Variants in PHLPP1 observed in about 807,000 individuals in gnomAD.
PHLPP1 encodes the protein PH domain and leucine rich repeat protein phosphatase 1.
In PHLPP1, 42 loss-of-function variants were observed where a neutral mutation model predicts 117.2. The observed-to-expected ratio is 0.36, with a 90% confidence interval of 0.28 to 0.46. The LOEUF is 0.46. Ranked by LOEUF, PHLPP1 falls within the 20% of genes least tolerant of loss-of-function variation. PHLPP1 has a pLI of 1.00. For synonymous variants in PHLPP1, 1,042 were observed against 970.7 expected (o/e 1.07, Z -1.37); for missense variants, 2,084 against 2,241.9 (o/e 0.93, Z 1.42).
At chr18:62,861,241 C>G (rs963116973) in intron 4 of PHLPP1, among the ~76,000 whole-genome samples, 1 of 152,136 alleles carries the variant, frequency 6.6e-6, no homozygotes, top group Non-Finnish European at 1.5e-5. Flanking sequence ...TCCCGAGTAG[C>G]TGGGATTACA....
rs570327548 is a variant in PHLPP1, at chr18:62,747,297, T to C, written c.1576+30038T>C. Among the ~76,000 whole-genome samples the C allele has an allele frequency of 3.1e-3, 468 of 149,014 alleles. 3 individuals are homozygous for C. Among genetic ancestry groups the C allele is most frequent in the Non-Finnish European group, 4.9e-3 (324 of 66,766 alleles). On this transcript the variant is annotated intron_variant, in intron 1 of 16. Coordinates refer to ENST00000262719, the MANE Select transcript of PHLPP1 (RefSeq NM_194449.4). ...TTTCCTTTTTTTTTTTTTTTTTTTTTCTGTGGAAACAGAGTCTCGCTCTTT... is the reference window on the plus strand; with the variant it reads ...TTTCCTTTTTTTTTTTTTTTTTTTTCCTGTGGAAACAGAGTCTCGCTCTTT...
chr18:62,778,137 C>T (rs974123080), intron 1 of PHLPP1, among the ~76,000 whole-genome samples: 1 of 152,140 alleles, frequency 6.6e-6, no homozygotes, highest in Non-Finnish European at 1.5e-5. Context: ...ATATTTACTG[C>T]ATTCTATTGT....
chr18:62,827,929 C>T (rs370069879), intron 1 of PHLPP1, among the ~76,000 whole-genome samples: 2 of 151,914 alleles, frequency 1.3e-5, no homozygotes, highest in East Asian at 3.9e-4. Flanking sequence ...CTTCATAGAG[C>T]TGCATAAATG....
At chr18:62,866,918 C>A (rs1325114860) in intron 4 of PHLPP1, among the ~76,000 whole-genome samples, 1 of 152,190 alleles carries the variant, frequency 6.6e-6, no homozygotes, top group Non-Finnish European at 1.5e-5. Context: ...TACTTCTCAA[C>A]CCTCACCTGG....
chr18:62,916,011 A>G (rs918381116), intron 9 of PHLPP1, among the ~76,000 whole-genome samples: 2 of 152,156 alleles, frequency 1.3e-5, no homozygotes, highest in African/African-American at 4.8e-5. Flanking sequence ...GTATGTCACC[A>G]TTTTGGAGTA....
intron 4 of PHLPP1, among the ~76,000 whole-genome samples, chr18:62,881,052 T>G (rs751307947): frequency 1.6e-4 from 24 of 152,308 alleles, no homozygotes; most frequent in Non-Finnish European, 2.4e-4. Context: ...ATTATTATTT[T>G]TTTGTTTGTT....
chr18:62,812,279 T>C (rs1483476951), intron 1 of PHLPP1, among the ~76,000 whole-genome samples: 2 of 152,156 alleles, frequency 1.3e-5, no homozygotes, highest in Non-Finnish European at 1.5e-5. Context: ...TATTATGTAC[T>C]TAGGAGTGTG....
Position 62,830,228 on chromosome 18 carries a change from A to G in PHLPP1, c.1770A>G (p.Gly590=), listed in dbSNP as rs1051478761. Residue 590 remains glycine, a synonymous_variant, in exon 2 of 17, where the codon GGA becomes GGG. Transcript: ENST00000262719. ...TGCATGTTCTGCCACTAATTGGTGG[A>G]AAAGTAAGTTTGTTTGTTTGTTTGT... The part of the protein sequence containing the change: ...GKMHVLPLIG[G]KVEEVKKHQH... 6.4e-7 allele frequency: 1 copy of G among 1,552,486 alleles called. No individual in the cohort carries two copies. Among genetic ancestry groups the G allele is most frequent in the Non-Finnish European group, 8.7e-7 (1 of 1,147,086 alleles).
chr18:62,728,407 A>G (rs371335236), intron 1 of PHLPP1, among the ~76,000 whole-genome samples: 1 of 152,006 alleles, frequency 6.6e-6, no homozygotes, highest in African/African-American at 2.4e-5. Context: ...TCAGCTGTTT[A>G]TACTGTTCAG....
intron 10 of PHLPP1, among the ~76,000 whole-genome samples, chr18:62,940,888 C>A (rs951782570): frequency 6.6e-6 from 1 of 152,208 alleles, no homozygotes; most frequent in Non-Finnish European, 1.5e-5. Context: ...ACGCCGTCTC[C>A]TGGATACTGC....
intron 6 of PHLPP1, among the ~76,000 whole-genome samples, chr18:62,897,829 A>G (rs1916603319): frequency 6.6e-6 from 1 of 152,192 alleles, no homozygotes; most frequent in Non-Finnish European, 1.5e-5. Context: ...AATACTTAAA[A>G]TCAAAGCTAG....
At position 62,716,153 on chromosome 18, in the gene PHLPP1, T is replaced by C. The variant is rs1298179094; in HGVS notation, c.470T>C (p.Leu157Pro). Reference protein sequence around the residue: ...AASHSPGAAGLPASCSASASL... With the variant: ...AASHSPGAAGPPASCSASASL... Reference sequence around the variant, plus strand: ...TCGCACTCCCCCGGCGCTGCCGGCCTCCCCGCCTCCTGCTCGGCCTCGGCG... The same window carrying C: ...TCGCACTCCCCCGGCGCTGCCGGCCCCCCCGCCTCCTGCTCGGCCTCGGCG... The change falls in exon 1 of 17, where the codon CTC becomes CCC. Residue 157 changes from leucine (L) to proline (P), a missense_variant. By Grantham distance (98) the Leu-to-Pro change is moderately conservative (BLOSUM62 -3). This residue lies in a region of PHLPP1 where 719 missense variants were observed against 636.0 expected (regional missense o/e 1.13). Coordinates refer to ENST00000262719, the MANE Select transcript of PHLPP1 (RefSeq NM_194449.4). The surrounding 1 kb of genome is among the most constrained non-coding windows in gnomAD (Gnocchi z 5.7). The C allele has an allele frequency of 2.6e-6, 4 of 1,517,510 alleles. No individual in the cohort carries two copies. In the African/African-American group the frequency reaches 5.7e-5, roughly 22 times the overall value. The allele number at this position is 1,517,510 out of a possible 1,614,324, so 94.0% of individuals were successfully genotyped here.
intron 12 of PHLPP1, among the ~76,000 whole-genome samples, chr18:62,951,875 C>T (rs1910469998): frequency 6.9e-6 from 1 of 144,414 alleles, no homozygotes; most frequent in Non-Finnish European, 1.5e-5. Context: ...AGTGCAATGG[C>T]GCGATCTTGG....
chr18:62,791,400 T>C (rs1240436366), intron 1 of PHLPP1, among the ~76,000 whole-genome samples: 1 of 152,166 alleles, frequency 6.6e-6, no homozygotes, highest in African/African-American at 2.4e-5. Flanking sequence ...TATTTCAATA[T>C]AATTTTAAAA....
chr18:62,975,262 T>C, intron 15 of PHLPP1, 135 bp from the exon 16 acceptor site: 1 of 646,090 alleles, frequency 1.5e-6, no homozygotes, highest in Non-Finnish European at 2.8e-6. Flanking sequence ...GTGTGTGCTT[T>C]GATGAAGGAG....
At chr18:62,840,829 A>T (rs1915030067) in intron 3 of PHLPP1, among the ~76,000 whole-genome samples, 1 of 152,222 alleles carries the variant, frequency 6.6e-6, no homozygotes, top group South Asian at 2.1e-4. Context: ...TTACCACAAT[A>T]TATCTCTCAA....
chr18:62,975,640 G>A lies in PHLPP1; in HGVS notation c.3984+15G>A. 2.6e-6 allele frequency: 4 copies of A among 1,547,090 alleles called. No individual in the cohort carries two copies. The highest frequency in any genetic ancestry group is 3.6e-6 in the Non-Finnish European group (4 of 1,119,100). Reference sequence around the variant, plus strand: ...TTATCACTGAGGTGAGAAAACAGGGGTGTTGCCCAGGATGGTGGAGAGGAG... The same window carrying A: ...TTATCACTGAGGTGAGAAAACAGGGATGTTGCCCAGGATGGTGGAGAGGAG... On this transcript the variant is annotated intron_variant, in intron 16 of 16. Transcript: ENST00000262719.
At chr18:62,890,233 T>TC (rs1292651025) in intron 4 of PHLPP1, among the ~76,000 whole-genome samples, 5 of 152,018 alleles carry the variant, frequency 3.3e-5, no homozygotes, top group African/African-American at 1.2e-4. Context: ...AGGTTTTTTT[T>TC]CTCTCTTCCA....
At chr18:62,818,801 A>AG (rs147599620) in intron 1 of PHLPP1, among the ~76,000 whole-genome samples, 2,861 of 152,272 alleles carry the variant, frequency 0.019, 77 homozygotes, top group African/African-American at 0.065. Flanking sequence ...GGCAAGGGGG[A>AG]GGTTATAACC....
Sources: gnomAD v4.1 joint callset for allele counts (sites outside exome capture counted in the v4.1 genomes callset) on GRCh38, gnomAD v4.1.1 for gene constraint, gnomAD v4.1.1 regional missense constraint, Gnocchi (gnomAD v3.1) non-coding constraint, MANE v1.5 for transcripts, NCBI Gene and HGNC (gene_info 2026-07-23, HGNC 2026-07-21) for gene names.